The following MIA2 variants were observed in gnomAD, a reference collection of about 807,000 sequenced individuals.
MIA2 encodes MIA SH3 domain ER export factor 2.
MIA2 carries 127 observed loss-of-function variants against 167.8 expected under a neutral mutation model. The ratio of observed to expected loss-of-function variants is 0.76; its 90% confidence interval spans 0.66 to 0.88. The LOEUF (loss-of-function observed/expected upper bound fraction) is 0.88, where lower values mean the gene tolerates loss of function less well. Ranked by LOEUF, MIA2 falls within the 40% of genes least tolerant of loss-of-function variation. The pLI is 0.00. For synonymous variants in MIA2, 552 were observed against 541.9 expected (o/e 1.02, Z -0.26); for missense variants, 1,690 against 1,624.7 (o/e 1.04, Z -0.69).
intron 14 of MIA2, among the ~76,000 whole-genome samples, chr14:39,301,894 G>A (rs889020042): frequency 9.9e-5 from 15 of 152,250 alleles, no homozygotes; most frequent in African/African-American, 3.6e-4. Context: ...ATATTAATAT[G>A]TACTATATTT....
chr14:39,267,131 C>T (rs940833029), intron 6 of MIA2: 1 of 1,154,596 alleles, frequency 8.7e-7, no homozygotes, highest in Non-Finnish European at 1.1e-6. Context: ...CCGCGCCTCC[C>T]CGCCTTCTCG....
At chr14:39,246,807 C>A in intron 3 of MIA2, 104 bp from the exon 4 acceptor site, 1 of 598,986 alleles carries the variant, frequency 1.7e-6, no homozygotes, top group Non-Finnish European at 2.7e-6. Flanking sequence ...TTGAGCTAGT[C>A]ATGTGTCTTG....
chr14:39,249,324 G>C (rs539474157), intron 4 of MIA2, among the ~76,000 whole-genome samples: 3 of 152,010 alleles, frequency 2.0e-5, no homozygotes, highest in Admixed American at 6.6e-5. Context: ...TTTATATGTC[G>C]TGGAGATGGG....
chr14:39,347,769 G>A lies in MIA2; in HGVS notation c.3835G>A (p.Gly1279Ser). 6.2e-7 allele frequency: 1 copy of A among 1,605,704 alleles called. No homozygotes were observed. The highest frequency in any genetic ancestry group is 1.3e-5 in the African/African-American group (1 of 74,380). ...TAGAAATGATACCAAAGATGATCTTGGTGTAAGTATTGAAAGAGTGGAATT... is the reference window on the plus strand; with the variant it reads ...TAGAAATGATACCAAAGATGATCTTAGTGTAAGTATTGAAAGAGTGGAATT... ...SSRNDTKDDL[G>S]NLNVPDSSLP... The change falls in exon 27 of 29, where the codon GGT (glycine) becomes AGT (serine). Residue 1279 changes from glycine to serine, a missense_variant and splice_region_variant. Physicochemically the swap from Gly to Ser is moderately conservative, Grantham distance 56. Coordinates refer to ENST00000640607, the MANE Select transcript of MIA2 (RefSeq NM_001329214.4).
At chr14:39,321,272 C>A (rs1011879361) in intron 24 of MIA2, among the ~76,000 whole-genome samples, 2 of 152,026 alleles carry the variant, frequency 1.3e-5, no homozygotes, top group African/African-American at 4.8e-5. Context: ...ACATTTTGAT[C>A]AAGGACTTGA....
rs1366270632 is a variant in MIA2, at chr14:39,326,966, C to G, written c.3599C>G (p.Thr1200Ser). The change falls in exon 25 of 29, where the codon ACT becomes AGT. Residue 1200 changes from threonine (T) to serine (S), a missense_variant. Physicochemically the swap from Thr to Ser is moderately conservative, Grantham distance 58 (BLOSUM62 1). Transcript: ENST00000640607. ...LTDPHRAPSD[T>S]GSLSPPWDQD... ...GATCCTCATAGGGCTCCCTCTGACA[C>G]TGGGTCTCTGTCACCTCCATGGGAC... The G allele has an allele frequency of 1.9e-6, 3 of 1,583,068 alleles. No homozygotes were observed. The highest frequency in any genetic ancestry group is 2.7e-5 in the African/African-American group (2 of 72,902).
At chr14:39,371,433 T>C (rs1278922386) in intron 23 of MIA2, among the ~76,000 whole-genome samples, 1 of 152,230 alleles carries the variant, frequency 6.6e-6, no homozygotes, top group Non-Finnish European at 1.5e-5. Flanking sequence ...ACAATTATTT[T>C]GTGAATATAG....
At chr14:39,273,598 CG>C (rs939655409) in intron 6 of MIA2, among the ~76,000 whole-genome samples, 1 of 144,150 alleles carries the variant, frequency 6.9e-6, no homozygotes, top group South Asian at 2.2e-4. Context: ...GATGATCATG[CG>C]TTTTTTTTTT....
intron 6 of MIA2, among the ~76,000 whole-genome samples, chr14:39,268,598 GTAGGTTC>G (rs1282142299): frequency 1.3e-5 from 2 of 152,224 alleles, no homozygotes; most frequent in African/African-American, 4.8e-5. Context: ...GGAGATGTAA[GTAGGTTC>G]CAAGTGCTGT....
rs148347096 is a variant in MIA2, at chr14:39,327,461, CTT to C, written c.3655+442_3655+443del. On this transcript the variant is annotated intron_variant, in intron 25 of 28. Transcript: ENST00000640607. ...TCTGTGCAGTTGTACCATTCATCCT[CTT>C]TTGTAATTGTCTTTTTTCACTGACC... 9.0e-4 allele frequency among the ~76,000 whole-genome samples: 137 copies of C among 152,256 alleles called. No homozygotes were observed. The East Asian group carries it at 0.023, about 25-fold the overall frequency.
At position 39,348,762 on chromosome 14, in the gene MIA2, C is replaced by T; in HGVS notation, c.3857C>T (p.Ser1286Leu). 1.2e-6 allele frequency: 2 copies of T among 1,613,918 alleles called. No homozygotes were observed. Among genetic ancestry groups the T allele is most frequent in the Non-Finnish European group, 8.5e-7 (1 of 1,179,824 alleles). Residue 1286 changes from serine to leucine, a missense_variant, in exon 28 of 29, where the codon TCA becomes TTA. By Grantham distance (145) the Ser-to-Leu change is moderately radical. Coordinates refer to ENST00000640607, the MANE Select transcript of MIA2 (RefSeq NM_001329214.4). The stretch of plus-strand genomic sequence containing the variant: ...TTGTAGAATTTAAATGTGCCTGATT[C>T]ATCTCTCCCTGCTGAAAATGAAGCC... ...DDLGNLNVPD[S>L]SLPAENEATG...
intron 23 of MIA2, among the ~76,000 whole-genome samples, chr14:39,374,591 T>C (rs921369481): frequency 2.0e-5 from 3 of 152,088 alleles, no homozygotes; most frequent in Non-Finnish European, 4.4e-5. Context: ...TCTATAGATA[T>C]AAATATTTTG....
intron 6 of MIA2, chr14:39,276,643 A>T (rs1003151749): frequency 7.0e-6 from 2 of 284,996 alleles, no homozygotes; most frequent in African/African-American, 4.4e-5. Flanking sequence ...AGAGTACCTG[A>T]ACCCTAGGTC....
chr14:39,263,000 C>A (rs1027451399), intron 6 of MIA2, among the ~76,000 whole-genome samples: 1 of 152,132 alleles, frequency 6.6e-6, no homozygotes, highest in Non-Finnish European at 1.5e-5. Context: ...AACTGAATAC[C>A]CTTTATTTCC....
intron 18 of MIA2, among the ~76,000 whole-genome samples, chr14:39,311,627 G>A (rs1452310753): frequency 6.6e-6 from 1 of 151,258 alleles, no homozygotes; most frequent in Admixed American, 6.6e-5. Flanking sequence ...ACAGGCGTGC[G>A]CCACCACTCC....
intron 23 of MIA2, chr14:39,385,727 G>A (rs1217847631): frequency 8.6e-6 from 8 of 926,982 alleles, no homozygotes; most frequent in Middle Eastern, 3.2e-4. Flanking sequence ...TCCTTCTTAC[G>A]TGTCTCTACC....
intron 14 of MIA2, among the ~76,000 whole-genome samples, chr14:39,301,064 A>G (rs2062412304): frequency 1.3e-5 from 2 of 150,630 alleles, no homozygotes; most frequent in Non-Finnish European, 3.0e-5. Flanking sequence ...ACACACACAC[A>G]CACACACACA....
In MIA2 at chr14:39,265,451, A is replaced by C. The variant is rs1361279120; in HGVS notation, c.1888-11483A>C. ...GTTTATAACTATTAAGCATACTGAA[A>C]CAAATGAGGTTTGGAATTTTGCACT... On this transcript the variant is annotated intron_variant, in intron 6 of 28. Coordinates refer to ENST00000640607, the MANE Select transcript of MIA2 (RefSeq NM_001329214.4). 9 of 1,576,060 alleles carry C rather than the reference A, an allele frequency of 5.7e-6. No individual in the cohort carries two copies. The East Asian group carries it at 1.2e-4, about 20-fold the overall frequency.
chr14:39,370,937 C>T (rs926667742), intron 23 of MIA2, among the ~76,000 whole-genome samples: 1 of 152,210 alleles, frequency 6.6e-6, no homozygotes, highest in African/African-American at 2.4e-5. Flanking sequence ...ATCACCAAAG[C>T]AGAATTGCAT....
Sources: allele counts gnomAD v4.1 joint callset (sites outside exome capture counted in the v4.1 genomes callset), GRCh38; gene constraint gnomAD v4.1.1; transcripts MANE v1.5; gene names NCBI Gene and HGNC (gene_info 2026-07-23, HGNC 2026-07-21).